The following PTPRE variants were observed in gnomAD, a reference collection of about 807,000 sequenced individuals.
PTPRE encodes receptor-type tyrosine-protein phosphatase epsilon.
Under a neutral mutation model 102.0 loss-of-function variants are expected in PTPRE, and 51 were observed. The observed-to-expected ratio is 0.50, with a 90% confidence interval of 0.40 to 0.63. The LOEUF is 0.63. Among genes scored for constraint, PTPRE ranks in the 30% least tolerant of loss-of-function variants. The pLI is 0.00. For missense variants in PTPRE, 752 were observed against 915.1 expected (o/e 0.82, Z 2.30); for synonymous variants, 345 against 348.2 (o/e 0.99, Z 0.10).
At chr10:127,958,325 G>A (rs1306718474) in intron 1 of PTPRE, among the ~76,000 whole-genome samples, 1 of 152,160 alleles carries the variant, frequency 6.6e-6, no homozygotes, top group Non-Finnish European at 1.5e-5. Flanking sequence ...GACATTAGCT[G>A]TAGGTTTTTC....
At chr10:128,025,770 G>A (rs1331279172) in intron 2 of PTPRE, among the ~76,000 whole-genome samples, 1 of 152,112 alleles carries the variant, frequency 6.6e-6, no homozygotes, top group South Asian at 2.1e-4. Context: ...CTGCTCCAGG[G>A]GACCCAGGGA....
intron 20 of PTPRE, among the ~76,000 whole-genome samples, chr10:128,082,627 CACTA>C (rs1851823804): frequency 1.3e-5 from 2 of 151,940 alleles, no homozygotes; most frequent in Admixed American, 6.6e-5. Flanking sequence ...AATGTTAATA[CACTA>C]ACTGACACAT....
chr10:128,061,120 CA>C, intron 8 of PTPRE, 105 bp downstream of exon 8: 2 of 1,125,190 alleles, frequency 1.8e-6, no homozygotes, highest in Non-Finnish European at 2.6e-6. Flanking sequence ...CCTTTCTGGG[CA>C]GTTTGGCCAC....
At chr10:128,064,039 G>A (rs1259522844) in intron 10 of PTPRE, among the ~76,000 whole-genome samples, 2 of 152,216 alleles carry the variant, frequency 1.3e-5, no homozygotes, top group African/African-American at 2.4e-5. Flanking sequence ...AGGGCCTGCT[G>A]TGTCCTGAGC....
chr10:128,067,234 A>T (rs1251786027), intron 11 of PTPRE, among the ~76,000 whole-genome samples: 6 of 147,246 alleles, frequency 4.1e-5, no homozygotes, highest in African/African-American at 1.5e-4. Context: ...ACACACATGC[A>T]CACACGCACA....
chr10:127,999,912 T>C (rs1017158605), intron 2 of PTPRE: 38 of 985,302 alleles, frequency 3.9e-5, no homozygotes, highest in Non-Finnish European at 4.3e-5. Flanking sequence ...GCTGTGGACA[T>C]GGGTCTGAAC....
chr10:128,023,537 T>C (rs78114282), intron 2 of PTPRE, among the ~76,000 whole-genome samples: 17,432 of 152,224 alleles, frequency 0.11, 1,678 homozygotes, highest in African/African-American at 0.26. Flanking sequence ...TTATTATTGT[T>C]GTTGTTAATC....
At position 128,011,526 on chromosome 10, in the gene PTPRE, C is replaced by T. The variant is rs551168176; in HGVS notation, c.-8+29230C>T. ...CCCGACGGTGCCACCTTCTGGTCAC[C>T]TCTGGCATAGCACCCGGGCTTCAAG... On this transcript the variant is annotated intron_variant, in intron 2 of 20. Transcript: ENST00000254667. 2.6e-5 allele frequency among the ~76,000 whole-genome samples: 4 copies of T among 152,354 alleles called. No homozygotes were observed. In the East Asian group the frequency reaches 7.7e-4, roughly 29 times the overall value.
At chr10:128,076,093 C>T (rs1851187893) in intron 17 of PTPRE, among the ~76,000 whole-genome samples, 1 of 152,206 alleles carries the variant, frequency 6.6e-6, no homozygotes, top group Admixed American at 6.5e-5. Context: ...GCTGTTTGGG[C>T]TCTTGTCTAG....
chr10:128,022,604 C>G (rs1026129324), intron 2 of PTPRE, among the ~76,000 whole-genome samples: 3 of 152,244 alleles, frequency 2.0e-5, no homozygotes, highest in Admixed American at 6.5e-5. Flanking sequence ...CCTGCACCTC[C>G]AGAGGCCCCT....
chr10:127,960,714 C>T (rs780194152), intron 1 of PTPRE, among the ~76,000 whole-genome samples: 4 of 152,154 alleles, frequency 2.6e-5, no homozygotes, highest in Admixed American at 6.5e-5. Context: ...AGTCCAAATA[C>T]GTGAGGCTTT....
rs1365836605 is a variant in PTPRE at position 128,073,481 on chromosome 10, G to A, written c.1599+10G>A. ...GCAGGAGAGAGAGCAGGTGAGGAGT[G>A]CCGCCCAGCCCGGTCCCTCCAGGGC... On this transcript the variant is annotated intron_variant, in intron 17 of 20. Coordinates refer to ENST00000254667, the MANE Select transcript of PTPRE (RefSeq NM_006504.6). The A allele has an allele frequency of 6.2e-7, 1 of 1,607,810 alleles. No homozygotes were observed. The highest frequency in any genetic ancestry group is 8.5e-7 in the Non-Finnish European group (1 of 1,178,126).
chr10:128,056,578 C>A (rs1223646146), intron 7 of PTPRE, among the ~76,000 whole-genome samples: 2 of 152,238 alleles, frequency 1.3e-5, no homozygotes, highest in African/African-American at 4.8e-5. Flanking sequence ...TGGCCCTGGG[C>A]AGCTCCCTTC....
At chr10:128,017,102 G>A (rs1248840584) in intron 2 of PTPRE, among the ~76,000 whole-genome samples, 1 of 152,092 alleles carries the variant, frequency 6.6e-6, no homozygotes, top group East Asian at 1.9e-4. Flanking sequence ...ATGCTGGGAG[G>A]AGACAGCCCA....
intron 2 of PTPRE, among the ~76,000 whole-genome samples, chr10:128,010,111 G>T (rs1490523496): frequency 6.6e-6 from 1 of 152,210 alleles, no homozygotes; most frequent in East Asian, 1.9e-4. Flanking sequence ...GGCAGCCCCT[G>T]GGTGCCAGGC....
rs1851918217 is a variant in PTPRE, at chr10:128,084,025, CAAAAAG to C, written c.*1121_*1126del. 7.5e-6 allele frequency: 1 copy of C among 134,038 alleles called. No homozygotes were observed. The highest frequency in any genetic ancestry group is 2.5e-4 in the South Asian group (1 of 4,070). The allele number at this position is 134,038 out of a possible 1,614,324, so 8.3% of individuals were successfully genotyped here. Reference sequence around the variant, plus strand: ...TCCCACCTTTCAATGTTTAATAAAACAAAAAGAGAAATCCTTAATCTAAAAGCTAAA... The same window carrying C: ...TCCCACCTTTCAATGTTTAATAAAACAGAAATCCTTAATCTAAAAGCTAAA... On this transcript the variant is annotated 3_prime_UTR_variant, in exon 21 of 21. Coordinates refer to ENST00000254667, the MANE Select transcript of PTPRE (RefSeq NM_006504.6).
At chr10:128,082,195 C>CTTTTTTTTTTTTTTTTTTTT (rs35709074) in intron 20 of PTPRE, among the ~76,000 whole-genome samples, 8 of 89,034 alleles carry the variant, frequency 9.0e-5, no homozygotes, top group African/African-American at 2.7e-4. Flanking sequence ...TTTTCTCTTT[C>CTTTTTTTTTTTTTTTTTTTT]TTTTTTTTTT....
rs904777663 is a variant in PTPRE at position 127,944,344 on chromosome 10, G to C, written c.-31+37035G>C. Among the ~76,000 whole-genome samples the C allele has an allele frequency of 6.6e-6, 1 of 152,202 alleles. No individual in the cohort carries two copies. The highest frequency in any genetic ancestry group is 1.9e-4 in the East Asian group (1 of 5,194). On this transcript the variant is annotated intron_variant, in intron 1 of 20. Coordinates refer to ENST00000254667, the MANE Select transcript of PTPRE (RefSeq NM_006504.6). The surrounding 1 kb of genome is among the most constrained non-coding windows in gnomAD (Gnocchi z 4.2). Reference sequence around the variant, plus strand: ...TGATTGAATGGCTAAATGGTGGGTGGGTGGATGGATGGATGGACGATGGAC... The same window carrying C: ...TGATTGAATGGCTAAATGGTGGGTGCGTGGATGGATGGATGGACGATGGAC...
chr10:128,019,643 A>G (rs966395731), intron 2 of PTPRE, among the ~76,000 whole-genome samples: 2 of 152,076 alleles, frequency 1.3e-5, no homozygotes, highest in African/African-American at 4.8e-5. Context: ...CCATTCATTC[A>G]TTCATTCATT....
Sources: gnomAD v4.1 joint callset for allele counts (sites outside exome capture counted in the v4.1 genomes callset) on GRCh38, gnomAD v4.1.1 for gene constraint, Gnocchi (gnomAD v3.1) non-coding constraint, MANE v1.5 for transcripts, NCBI Gene and HGNC (gene_info 2026-07-23, HGNC 2026-07-21) for gene names.